Variants in FOXP2 observed in about 807,000 individuals in gnomAD.
FOXP2 encodes the protein forkhead box protein P2.
FOXP2 carries 12 observed loss-of-function variants against 115.8 expected under a neutral mutation model. That is an observed-to-expected ratio of 0.10 (90% confidence interval 0.07 to 0.17). FOXP2 has a LOEUF of 0.17. Ranked by LOEUF, FOXP2 falls within the 10% of genes least tolerant of loss-of-function variation. The pLI is 1.00. For missense variants in FOXP2, 629 were observed against 843.5 expected, an observed-to-expected ratio of 0.75 and a Z score of 3.15; for synonymous variants, 328 against 297.7, an observed-to-expected ratio of 1.10 and a Z score of -1.05.
At chr7:114,574,830 A>G (rs954417372) in intron 3 of FOXP2, among the ~76,000 whole-genome samples, 1 of 151,852 alleles carries the variant, frequency 6.6e-6, no homozygotes. Flanking sequence ...GAATCTTTTG[A>G]TGAACAAAAT....
intron 2 of FOXP2, among the ~76,000 whole-genome samples, chr7:114,438,184 G>A (rs1794437534): frequency 6.6e-6 from 1 of 152,038 alleles, no homozygotes; most frequent in African/African-American, 2.4e-5. Flanking sequence ...GTGGAGTTAG[G>A]TTTGAGGCAT....
chr7:114,109,567 A>G (rs1457380992), intron 1 of FOXP2, among the ~76,000 whole-genome samples: 1 of 152,110 alleles, frequency 6.6e-6, no homozygotes, highest in Non-Finnish European at 1.5e-5. Context: ...AAATTTTGTA[A>G]TTTTAGGAAA....
intron 1 of FOXP2, among the ~76,000 whole-genome samples, chr7:114,122,857 A>T (rs1278619951): frequency 6.6e-6 from 1 of 152,042 alleles, no homozygotes; most frequent in Non-Finnish European, 1.5e-5. Context: ...TTGATACAGA[A>T]ATTACTTTTC....
chr7:114,114,261 G>A (rs537053744), intron 1 of FOXP2, among the ~76,000 whole-genome samples: 268 of 150,394 alleles, frequency 1.8e-3, no homozygotes, highest in African/African-American at 6.1e-3. Flanking sequence ...ACATATATGT[G>A]TATATACACA....
chr7:114,550,065 G>C (rs1397217838), intron 3 of FOXP2, among the ~76,000 whole-genome samples: 1 of 151,808 alleles, frequency 6.6e-6, no homozygotes, highest in East Asian at 1.9e-4. Flanking sequence ...AAGGTAATGA[G>C]GAGAGGGAAA....
intron 2 of FOXP2, among the ~76,000 whole-genome samples, chr7:114,306,427 G>A (rs1021525358): frequency 1.3e-5 from 2 of 152,140 alleles, no homozygotes; most frequent in Non-Finnish European, 2.9e-5. Context: ...AAGCAAGCCT[G>A]CTCTTTGTCC....
chr7:114,464,086 C>G (rs553451452), intron 2 of FOXP2, among the ~76,000 whole-genome samples: 74 of 152,160 alleles, frequency 4.9e-4, no homozygotes, highest in African/African-American at 1.7e-3. Flanking sequence ...CTAGAATGAA[C>G]AAATTTTATT....
At position 114,515,651 on chromosome 7, in the gene FOXP2, T is replaced by C. The variant is rs548817934; in HGVS notation, c.169-18966T>C. 7.2e-5 allele frequency among the ~76,000 whole-genome samples: 11 copies of C among 152,138 alleles called. No homozygotes were observed. In the South Asian group the frequency reaches 2.1e-3, roughly 29 times the overall value. Reference sequence around the variant, plus strand: ...TCAGATGAGTAGGTTGCGAAAATTTTCTCCCATTTTGTGGGTTGCCTGTTC... The same window carrying C: ...TCAGATGAGTAGGTTGCGAAAATTTCCTCCCATTTTGTGGGTTGCCTGTTC... On this transcript the variant is annotated intron_variant, in intron 2 of 16. Transcript: ENST00000350908.
chr7:114,161,324 C>T (rs2129150567), upstream of FOXP2, among the ~76,000 whole-genome samples: 1 of 152,078 alleles, frequency 6.6e-6, no homozygotes, highest in Non-Finnish European at 1.5e-5. Context: ...TTTTATTTCA[C>T]CTTGAAATAA....
chr7:114,438,265 ACAATCCAAC>A (rs1263987676), intron 2 of FOXP2, among the ~76,000 whole-genome samples: 2 of 152,090 alleles, frequency 1.3e-5, no homozygotes, highest in Admixed American at 1.3e-4. Flanking sequence ...AATTTTATAA[ACAATCCAAC>A]CAAGTCTCAG....
intron 2 of FOXP2, chr7:114,297,402 A>T: frequency 1.5e-6 from 1 of 680,600 alleles, no homozygotes; most frequent in Non-Finnish European, 2.5e-6. Flanking sequence ...GTTGAGGCCC[A>T]CTGTCATAGG....
intron 1 of FOXP2, among the ~76,000 whole-genome samples, chr7:114,156,935 T>C (rs1792688091): frequency 6.6e-6 from 1 of 152,188 alleles, no homozygotes; most frequent in Non-Finnish European, 1.5e-5. Flanking sequence ...ACTATCTCAG[T>C]ATAGATTGTC....
At chr7:114,551,040 G>C (rs1201131287) in intron 3 of FOXP2, among the ~76,000 whole-genome samples, 1 of 152,108 alleles carries the variant, frequency 6.6e-6, no homozygotes, top group Non-Finnish European at 1.5e-5. Context: ...GTACTAGAAA[G>C]AGAGTTCAGG....
intron 6 of FOXP2, among the ~76,000 whole-genome samples, chr7:114,633,204 T>G (rs1470890911): frequency 6.6e-6 from 1 of 152,114 alleles, no homozygotes; most frequent in Non-Finnish European, 1.5e-5. Flanking sequence ...AGAAACACAG[T>G]GTAACTTGTT....
intron 2 of FOXP2, among the ~76,000 whole-genome samples, chr7:114,451,389 C>G (rs1368641413): frequency 5.3e-5 from 8 of 152,060 alleles, no homozygotes; most frequent in African/African-American, 1.7e-4. Context: ...CTTATCTTCT[C>G]TAATCCTCAA....
intron 1 of FOXP2, among the ~76,000 whole-genome samples, chr7:114,122,192 T>C (rs183588959): frequency 6.7e-4 from 102 of 152,272 alleles, no homozygotes; most frequent in Middle Eastern, 3.4e-3. Flanking sequence ...GCTGGAAATA[T>C]GTAAGGAGTT....
At chr7:114,232,762 G>C (rs925662864) in intron 1 of FOXP2, among the ~76,000 whole-genome samples, 46 of 150,476 alleles carry the variant, frequency 3.1e-4, no homozygotes, top group African/African-American at 9.1e-4. Context: ...GTGGTGAGCC[G>C]AGATCATGCC....
At chr7:114,373,014 T>C (rs747574618) in intron 2 of FOXP2, among the ~76,000 whole-genome samples, 1 of 151,806 alleles carries the variant, frequency 6.6e-6, no homozygotes, top group Non-Finnish European at 1.5e-5. Context: ...TTTTTTTGAG[T>C]TGGAGTCTTG....
intron 2 of FOXP2, 106 bp from the exon 3 acceptor site, chr7:114,534,511 A>T: frequency 1.1e-6 from 1 of 916,950 alleles, no homozygotes; most frequent in Non-Finnish European, 1.8e-6. Context: ...TCTAGAAAGG[A>T]ATATGGGAGT....
Sources: gnomAD v4.1 joint callset for allele counts (sites outside exome capture counted in the v4.1 genomes callset) on GRCh38, gnomAD v4.1.1 for gene constraint, MANE v1.5 for transcripts, NCBI Gene and HGNC (gene_info 2026-07-23, HGNC 2026-07-21) for gene names.